Variants in ADAM7 observed in about 807,000 individuals in gnomAD.
ADAM7 encodes ADAM metallopeptidase domain 7, also known as disintegrin and metalloproteinase domain-containing protein 7.
ADAM7 carries 97 observed loss-of-function variants against 102.9 expected under a neutral mutation model. The observed-to-expected ratio is 0.94, with a 90% CI of 0.80 to 1.12. The LOEUF (loss-of-function observed/expected upper bound fraction) is 1.12, where lower values mean the gene tolerates loss of function less well. Among genes scored for constraint, ADAM7 ranks in the 50% most tolerant of loss-of-function variants. The pLI is 0.00. For synonymous variants in ADAM7, 334 were observed against 304.4 expected, an observed-to-expected ratio of 1.10 and a Z score of -1.01; for missense variants, 991 against 908.7, an observed-to-expected ratio of 1.09 and a Z score of -1.16.
intron 20 of ADAM7, among the ~76,000 whole-genome samples, chr8:24,502,439 T>C (rs933572861): frequency 6.6e-6 from 1 of 151,688 alleles, no homozygotes; most frequent in Non-Finnish European, 1.5e-5. Context: ...ACTAATGAAA[T>C]AGAAAACAGA....
At position 24,444,309 on chromosome 8, in the gene ADAM7, G is replaced by T. The variant is rs192508713; in HGVS notation, c.156+1733G>T. 5.3e-5 allele frequency among the ~76,000 whole-genome samples: 8 copies of T among 151,394 alleles called. No individual in the cohort carries two copies. In the East Asian group the frequency reaches 1.5e-3, roughly 29 times the overall value. ...AATTAAATAAATAAATTGAAAAAAT[G>T]GACACTTCTTCTGGGAGAGGAATCA... On this transcript the variant is annotated intron_variant, in intron 2 of 21. Transcript: ENST00000175238.
intron 3 of ADAM7, among the ~76,000 whole-genome samples, chr8:24,457,573 T>C (rs1189814205): frequency 2.0e-5 from 3 of 152,160 alleles, no homozygotes; most frequent in African/African-American, 7.2e-5. Context: ...ACTGTATAAT[T>C]TGGAGACCAG....
At chr8:24,453,259 T>G (rs917276133) in intron 3 of ADAM7, among the ~76,000 whole-genome samples, 2 of 152,184 alleles carry the variant, frequency 1.3e-5, no homozygotes, top group African/African-American at 4.8e-5. Context: ...CCAACTTGGT[T>G]CCATTCTCCC....
intron 3 of ADAM7, among the ~76,000 whole-genome samples, chr8:24,452,485 T>G (rs1818835941): frequency 6.6e-6 from 1 of 151,838 alleles, no homozygotes; most frequent in South Asian, 2.1e-4. Context: ...CTGCCTTTTT[T>G]TGTTTTCCGT....
chr8:24,473,793 G>C (rs996183733), intron 7 of ADAM7, among the ~76,000 whole-genome samples: 1 of 151,812 alleles, frequency 6.6e-6, no homozygotes, highest in African/African-American at 2.4e-5. Flanking sequence ...TTACATGAGA[G>C]TGACGGTTTC....
At chr8:24,450,557 C>T (rs1271521778) in intron 3 of ADAM7, among the ~76,000 whole-genome samples, 2 of 152,062 alleles carry the variant, frequency 1.3e-5, no homozygotes, top group African/African-American at 4.8e-5. Flanking sequence ...TGGGCTGAGA[C>T]AATGGGGTTT....
At chr8:24,452,039 T>C in intron 3 of ADAM7, among the ~76,000 whole-genome samples, 1 of 152,222 alleles carries the variant, frequency 6.6e-6, no homozygotes, top group Non-Finnish European at 1.5e-5. Context: ...TTCTGTTCTT[T>C]TACATTTGCT....
chr8:24,451,608 A>G (rs1157692955), intron 3 of ADAM7, among the ~76,000 whole-genome samples: 3 of 151,684 alleles, frequency 2.0e-5, no homozygotes, highest in African/African-American at 7.3e-5. Context: ...CAGCTCCTGG[A>G]TTCATTAATT....
intron 3 of ADAM7, among the ~76,000 whole-genome samples, chr8:24,450,583 G>C (rs142948946): frequency 6.6e-6 from 1 of 151,978 alleles, no homozygotes; most frequent in Non-Finnish European, 1.5e-5. Context: ...ATATACAATC[G>C]TGTAGTCTGC....
intron 3 of ADAM7, among the ~76,000 whole-genome samples, chr8:24,457,022 C>T (rs1384455657): frequency 6.6e-6 from 1 of 152,128 alleles, no homozygotes; most frequent in Non-Finnish European, 1.5e-5. Flanking sequence ...TTATAGAAAT[C>T]TGACAGATTC....
chr8:24,488,913 G>C (rs1451893749), intron 11 of ADAM7, among the ~76,000 whole-genome samples: 1 of 152,080 alleles, frequency 6.6e-6, no homozygotes, highest in Non-Finnish European at 1.5e-5. Flanking sequence ...CAGACAACCA[G>C]TCTGTAAGGT....
Position 24,498,073 on chromosome 8 carries a change from G to A in ADAM7, c.1843-1163G>A, listed in dbSNP as rs1278052685. 2.6e-5 allele frequency among the ~76,000 whole-genome samples: 4 copies of A among 151,830 alleles called. No individual in the cohort carries two copies. The East Asian group carries it at 5.8e-4, about 22-fold the overall frequency. ...TTTGAAAAGAAAAATAGTCAAGAAC[G>A]TATTCCAGCCAAGAGAGAAATAAAT... On this transcript the variant is annotated intron_variant, in intron 16 of 21. Transcript: ENST00000175238.
rs575565298 is a variant in ADAM7 at position 24,484,295 on chromosome 8, T to C, written c.876-982T>C. On this transcript the variant is annotated intron_variant, in intron 9 of 21. Coordinates refer to ENST00000175238, the MANE Select transcript of ADAM7 (RefSeq NM_003817.4). ...AAAAGGTAAAGACTGAAAGAGGTCATCTAATCTGACCACCTATCTTGTCTT... is the reference window on the plus strand; with the variant it reads ...AAAAGGTAAAGACTGAAAGAGGTCACCTAATCTGACCACCTATCTTGTCTT... Among the ~76,000 whole-genome samples the C allele has an allele frequency of 3.3e-5, 5 of 152,306 alleles. No homozygotes were observed. In the South Asian group the frequency reaches 8.3e-4, roughly 25 times the overall value.
At chr8:24,497,386 A>G (rs1002480621) in intron 16 of ADAM7, among the ~76,000 whole-genome samples, 8 of 152,218 alleles carry the variant, frequency 5.3e-5, no homozygotes, top group Admixed American at 3.3e-4. Context: ...TATTAAACCT[A>G]TATAAAAAAG....
At position 24,500,246 on chromosome 8, in the gene ADAM7, A is replaced by T; in HGVS notation, c.1992A>T (p.Leu664Phe). ...CACCTGTAGCCTGTGAAGAAACCTT[A>T]CATGTTACCAGTGAGCATCCTAAAA... ...GQAPVACEET[L>F]HVTNITILVV... The change falls in exon 18 of 22, where the codon TTA (leucine) becomes TTT (phenylalanine). Residue 664 changes from leucine to phenylalanine, a missense_variant. Leu to Phe is a conservative substitution (Grantham distance 22). Transcript: ENST00000175238. 1.2e-6 allele frequency: 2 copies of T among 1,609,048 alleles called. No individual in the cohort carries two copies.
chr8:24,456,863 A>T (rs1455758541), intron 3 of ADAM7, among the ~76,000 whole-genome samples: 1 of 152,192 alleles, frequency 6.6e-6, no homozygotes, highest in African/African-American at 2.4e-5. Flanking sequence ...ATTGATAGAC[A>T]TGTGGGCTGT....
chr8:24,473,546 G>T (rs966050622), intron 7 of ADAM7, among the ~76,000 whole-genome samples: 1 of 152,120 alleles, frequency 6.6e-6, no homozygotes, highest in African/African-American at 2.4e-5. Flanking sequence ...AGCAAAGTAA[G>T]TCATATGTCC....
At chr8:24,503,575 A>G (rs1254600665) in intron 20 of ADAM7, among the ~76,000 whole-genome samples, 2 of 152,154 alleles carry the variant, frequency 1.3e-5, no homozygotes, top group African/African-American at 4.8e-5. Context: ...ACACATGCAC[A>G]CGTACGTTTA....
At chr8:24,453,153 A>G (rs1004251184) in intron 3 of ADAM7, among the ~76,000 whole-genome samples, 7 of 151,904 alleles carry the variant, frequency 4.6e-5, no homozygotes, top group Non-Finnish European at 8.8e-5. Flanking sequence ...CTCGAGGAGT[A>G]TCTTTGTGGC....
Sources: allele counts gnomAD v4.1 joint callset (sites outside exome capture counted in the v4.1 genomes callset), GRCh38; gene constraint gnomAD v4.1.1; transcripts MANE v1.5; gene names NCBI Gene and HGNC (gene_info 2026-07-23, HGNC 2026-07-21).